Variants in FBXO47 observed in about 807,000 individuals in gnomAD.
FBXO47 encodes F-box only protein 47.
Under a neutral mutation model 53.9 loss-of-function variants are expected in FBXO47, and 34 were observed. That is an observed-to-expected ratio of 0.63 (90% confidence interval 0.48 to 0.84). FBXO47 has a LOEUF of 0.84. Ranked by LOEUF, FBXO47 falls within the 40% of genes least tolerant of loss-of-function variation. The pLI is 0.00. For synonymous variants in FBXO47, 165 were observed against 181.6 expected, an observed-to-expected ratio of 0.91 and a Z score of 0.73; for missense variants, 485 against 541.3, an observed-to-expected ratio of 0.90 and a Z score of 1.03.
intron 6 of FBXO47, among the ~76,000 whole-genome samples, chr17:38,946,171 T>TAC (rs1490572461): frequency 8.9e-6 from 1 of 112,792 alleles, no homozygotes; most frequent in African/African-American, 3.7e-5. Flanking sequence ...TATAAATATA[T>TAC]AAAAATATAT....
intron 3 of FBXO47, among the ~76,000 whole-genome samples, chr17:38,957,500 C>T (rs986576537): frequency 3.9e-5 from 6 of 151,984 alleles, no homozygotes; most frequent in Admixed American, 2.0e-4. Context: ...TGTTAAATTG[C>T]TACTATAGGA....
At chr17:38,951,836 G>C (rs1905307106) in intron 5 of FBXO47, 147 bp from the exon 6 acceptor site, 1 of 567,492 alleles carries the variant, frequency 1.8e-6, no homozygotes, top group African/African-American at 1.9e-5. Context: ...TTTGAGACCA[G>C]CCTGGACAAC....
At chr17:38,957,317 C>T (rs1905602346) in intron 3 of FBXO47, 64 bp from the exon 4 acceptor site, 2 of 1,083,922 alleles carry the variant, frequency 1.8e-6, no homozygotes, top group South Asian at 2.6e-5. Flanking sequence ...CAATAGAGCA[C>T]AGAATAATGT....
At chr17:38,945,958 TATATATAAATATATAA>T (rs1393615030) in intron 6 of FBXO47, among the ~76,000 whole-genome samples, 1 of 131,256 alleles carries the variant, frequency 7.6e-6, no homozygotes, top group East Asian at 2.3e-4. Flanking sequence ...AATATATATA[TATATATAAATATATAA>T]ATATATATAC....
chr17:38,952,027 C>CA (rs1195658676), intron 5 of FBXO47, among the ~76,000 whole-genome samples: 2 of 150,620 alleles, frequency 1.3e-5, no homozygotes, highest in Admixed American at 1.3e-4. Flanking sequence ...AGCTCTGTCA[C>CA]AAAAAACAAA....
intron 5 of FBXO47, 66 bp downstream of exon 5, chr17:38,954,790 T>C: frequency 1.2e-6 from 1 of 863,440 alleles, no homozygotes; most frequent in Non-Finnish European, 1.8e-6. Context: ...AAAAGAGAGA[T>C]TGGATATTCT....
intron 9 of FBXO47, among the ~76,000 whole-genome samples, chr17:38,940,455 G>A (rs1904455580): frequency 6.6e-6 from 1 of 151,818 alleles, no homozygotes; most frequent in South Asian, 2.1e-4. Context: ...ATTAGAAAAT[G>A]GGTTCAAGCT....
At chr17:38,964,736 C>T (rs975874726) in intron 1 of FBXO47, among the ~76,000 whole-genome samples, 2 of 152,096 alleles carry the variant, frequency 1.3e-5, no homozygotes, top group Non-Finnish European at 2.9e-5. Flanking sequence ...AAAGGGCCTA[C>T]GCATCTTGAT....
chr17:38,944,960 C>T lies in FBXO47; in HGVS notation c.793G>A (p.Gly265Arg). Residue 265 changes from glycine to arginine, a missense_variant and splice_region_variant, in exon 7 of 11, where the codon GGA (glycine) becomes AGA (arginine). Physicochemically the swap from Gly to Arg is moderately radical, Grantham distance 125 (BLOSUM62 -2). Transcript: ENST00000378079. ...IIFGPISPQD[G>R]QVVWQEMIEE... ...ACAACCCTGAAAGATGGGTGCTCAC[C>T]ATCTTGAGGAGATATTGGCCCAAAG... 1.2e-6 allele frequency: 2 copies of T among 1,611,348 alleles called. No homozygotes were observed. Among genetic ancestry groups the T allele is most frequent in the Non-Finnish European group, 8.5e-7 (1 of 1,178,392 alleles).
intron 1 of FBXO47, among the ~76,000 whole-genome samples, chr17:38,963,799 G>GT (rs1905948251): frequency 5.7e-5 from 7 of 123,818 alleles, no homozygotes; most frequent in East Asian, 3.0e-4. Flanking sequence ...TTGTTGTTTT[G>GT]TTGTTTTTTT....
intron 6 of FBXO47, among the ~76,000 whole-genome samples, chr17:38,950,462 AT>A (rs71352328): frequency 0.032 from 4,141 of 128,492 alleles, 158 homozygotes; most frequent in African/African-American, 0.11. Flanking sequence ...TGCCCGCCTA[AT>A]TTTTTTTTTT....
intron 4 of FBXO47, among the ~76,000 whole-genome samples, chr17:38,956,350 G>C (rs1905556236): frequency 6.6e-6 from 1 of 152,038 alleles, no homozygotes; most frequent in Non-Finnish European, 1.5e-5. Context: ...CACTTTGGGA[G>C]GCCAAGGTGG....
chr17:38,946,002 T>A (rs1169820416), intron 6 of FBXO47, among the ~76,000 whole-genome samples: 1 of 131,058 alleles, frequency 7.6e-6, no homozygotes, highest in Non-Finnish European at 1.6e-5. Context: ...TAAATATATA[T>A]AAATACATAA....
chr17:38,953,125 C>CCACACACACA (rs768926649), intron 5 of FBXO47, among the ~76,000 whole-genome samples: 227 of 117,876 alleles, frequency 1.9e-3, no homozygotes, highest in African/African-American at 3.8e-3. Flanking sequence ...AAAAAAAAAA[C>CCACACACACA]CACACACACA....
intron 1 of FBXO47, among the ~76,000 whole-genome samples, chr17:38,965,709 T>TAAAAGAAAAAAAA (rs1906073806): frequency 1.6e-5 from 1 of 61,626 alleles, no homozygotes; most frequent in Non-Finnish European, 3.0e-5. Context: ...CCTTCTCTAC[T>TAAAAGAAAAAAAA]AAAAAAAAAA....
rs1249730354 is a variant in FBXO47, at chr17:38,951,638, AG to A, written c.558del (p.Leu187TyrfsTer4). On this transcript the variant is annotated frameshift_variant, in exon 6 of 11. Transcript: ENST00000378079. LOFTEE classifies it high-confidence loss of function. ...CGGCAGAGATTAGTCAGTTCGCATA[AG>A]AAATTATAAACGCGATGGCACTCAA... ...DELECHRVYN[F>X]LCELTNLCRK... The A allele has an allele frequency of 1.2e-6, 2 of 1,614,154 alleles. No homozygotes were observed. The highest frequency in any genetic ancestry group is 1.7e-5 in the Admixed American group (1 of 59,994).
intron 6 of FBXO47, among the ~76,000 whole-genome samples, chr17:38,946,969 T>A (rs183557119): frequency 9.2e-6 from 1 of 108,858 alleles, no homozygotes; most frequent in South Asian, 3.1e-4. Context: ...TAAACATATA[T>A]AAATATATGT....
intron 3 of FBXO47, among the ~76,000 whole-genome samples, chr17:38,961,584 C>A (rs553686176): frequency 6.6e-6 from 1 of 152,156 alleles, no homozygotes; most frequent in African/African-American, 2.4e-5. Context: ...CAGGAAGTGA[C>A]GCATAGAAAA....
intron 6 of FBXO47, among the ~76,000 whole-genome samples, chr17:38,946,046 TA>T (rs1291098293): frequency 1.9e-5 from 2 of 105,414 alleles, no homozygotes; most frequent in Non-Finnish European, 3.6e-5. Flanking sequence ...TAAATATATA[TA>T]AAATATATAA....
Sources: gnomAD v4.1 joint callset for allele counts (sites outside exome capture counted in the v4.1 genomes callset) on GRCh38, gnomAD v4.1.1 for gene constraint, MANE v1.5 for transcripts, NCBI Gene and HGNC (gene_info 2026-07-23, HGNC 2026-07-21) for gene names.